Variants in UGDH observed in about 807,000 individuals in gnomAD.
UGDH encodes the protein UDP-Glc dehydrogenase.
In UGDH, 38 loss-of-function variants were observed where a neutral mutation model predicts 50.6. That is an observed-to-expected ratio of 0.75 (90% confidence interval 0.58 to 0.98). The LOEUF is 0.98. Among genes scored for constraint, UGDH ranks in the 50% least tolerant of loss-of-function variants. The pLI, the probability that UGDH is intolerant of heterozygous loss-of-function variation, is 0.00. For missense variants in UGDH, 465 were observed against 606.2 expected (o/e 0.77, Z 2.45); for synonymous variants, 168 against 199.9 (o/e 0.84, Z 1.35).
intron 2 of UGDH, among the ~76,000 whole-genome samples, chr4:39,516,407 T>C (rs193132425): frequency 6.6e-6 from 1 of 152,344 alleles, no homozygotes; most frequent in Admixed American, 6.5e-5. Context: ...TGAAACAAGA[T>C]GATGGGCACA....
At chr4:39,507,288 T>G (rs1486327086) in intron 7 of UGDH, among the ~76,000 whole-genome samples, 1 of 152,254 alleles carries the variant, frequency 6.6e-6, no homozygotes, top group Non-Finnish European at 1.5e-5. Flanking sequence ...GCTCACTTAA[T>G]GCTTCCAATT....
rs1447799247 is a variant in UGDH at position 39,512,019 on chromosome 4, C to T, written c.265-1158G>A. 3.8e-5 allele frequency among the ~76,000 whole-genome samples: 4 copies of T among 104,570 alleles called. No homozygotes were observed. The East Asian group carries it at 1.2e-3, about 30-fold the overall frequency. The allele number at this position is 104,570 out of a possible 152,430, so 68.6% of individuals were successfully genotyped here. A position where few individuals can be genotyped will look rare whatever the true frequency, so the allele number is the denominator to read the frequency against. The stretch of plus-strand genomic sequence containing the variant: ...CACCTGGCCAATGGGCGAAGACTTT[C>T]ATTTAGAAAAAAAAAAAAAAAATCA... On this transcript the variant is annotated intron_variant, in intron 3 of 11. Transcript: ENST00000316423.
At chr4:39,514,002 T>C in intron 3 of UGDH, 81 bp downstream of exon 3, 2 of 1,185,452 alleles carry the variant, frequency 1.7e-6, no homozygotes, top group Non-Finnish European at 1.2e-6. Context: ...TTAATACCAA[T>C]GGATTTACTA....
intron 11 of UGDH, among the ~76,000 whole-genome samples, chr4:39,502,543 C>T (rs903101722): frequency 3.3e-5 from 5 of 152,124 alleles, no homozygotes; most frequent in African/African-American, 1.2e-4. Flanking sequence ...TGACAACAAC[C>T]CCCTGGCATA....
intron 9 of UGDH, among the ~76,000 whole-genome samples, chr4:39,504,793 ATTGT>A (rs1202683196): frequency 6.6e-6 from 1 of 152,194 alleles, no homozygotes; most frequent in Non-Finnish European, 1.5e-5. Flanking sequence ...AAACTTATGA[ATTGT>A]TTATTTCTGG....
At chr4:39,508,461 T>G in intron 7 of UGDH, 105 bp downstream of exon 7, 1 of 1,127,410 alleles carries the variant, frequency 8.9e-7, no homozygotes, top group Non-Finnish European at 1.3e-6. Flanking sequence ...CCCAAATTCC[T>G]GGCCTCAAGT....
At chr4:39,517,259 G>C (rs1746472836) in intron 2 of UGDH, among the ~76,000 whole-genome samples, 1 of 149,516 alleles carries the variant, frequency 6.7e-6, no homozygotes, top group African/African-American at 2.5e-5. Flanking sequence ...CTGGAGTGCA[G>C]TGGCGCGATC....
Position 39,521,331 on chromosome 4 carries a change from G to C in UGDH, c.162+20C>G. 6.3e-7 allele frequency: 1 copy of C among 1,578,034 alleles called. No individual in the cohort carries two copies. The highest frequency in any genetic ancestry group is 1.7e-4 in the Middle Eastern group (1 of 5,938). On this transcript the variant is annotated intron_variant, in intron 2 of 11. Transcript: ENST00000316423. ...AGTAAGAAAAAAGCATAAAAACAAAGAGATGTTTAATATGTTTACCTCATA... is the reference window on the plus strand; with the variant it reads ...AGTAAGAAAAAAGCATAAAAACAAACAGATGTTTAATATGTTTACCTCATA...
At chr4:39,505,114 A>G in intron 9 of UGDH, 123 bp downstream of exon 9, 2 of 917,642 alleles carry the variant, frequency 2.2e-6, no homozygotes, top group Middle Eastern at 2.6e-4. Context: ...ATTTCAGAGA[A>G]ATGAGGTTGA....
chr4:39,503,789 A>G (rs963168808), intron 11 of UGDH, 86 bp downstream of exon 11: 2 of 1,179,496 alleles, frequency 1.7e-6, no homozygotes, highest in Admixed American at 2.4e-5. Context: ...TTTGATGTCA[A>G]CTTGACTAGA....
rs1746116990 is a variant in UGDH, at chr4:39,508,622, A to T, written c.850T>A (p.Leu284Met). 1 of 1,605,976 alleles carries T rather than the reference A, an allele frequency of 6.2e-7. No homozygotes were observed. Among genetic ancestry groups the T allele is most frequent in the African/African-American group, 1.4e-5 (1 of 73,888 alleles). The change falls in exon 7 of 12, where the codon TTG becomes ATG. Residue 284 changes from leucine (L) to methionine (M), a missense_variant. By Grantham distance (15) the Leu-to-Met change is conservative. Coordinates refer to ENST00000316423, the MANE Select transcript of UGDH (RefSeq NM_003359.4). ...TTCAGAGCCTCACAGAGATAAACCAAATTCAGAACATCCTTTTGGAAACAG... is the reference window on the plus strand; with the variant it reads ...TTCAGAGCCTCACAGAGATAAACCATATTCAGAACATCCTTTTGGAAACAG... Reference protein sequence around the residue: ...GSCFQKDVLNLVYLCEALNLP... With the variant: ...GSCFQKDVLNMVYLCEALNLP...
At chr4:39,514,683 T>C (rs1467191608) in intron 2 of UGDH, among the ~76,000 whole-genome samples, 2 of 148,600 alleles carry the variant, frequency 1.3e-5, no homozygotes, top group African/African-American at 2.5e-5. Context: ...TTTATTTTAT[T>C]TTATTTTATT....
rs763356941 is a variant in UGDH, at chr4:39,505,222, G to A, written c.1171+15C>T. 12 of 1,578,078 alleles carry A rather than the reference G, an allele frequency of 7.6e-6. No homozygotes were observed. The highest frequency in any genetic ancestry group is 1.0e-5 in the Non-Finnish European group (12 of 1,169,226). On this transcript the variant is annotated intron_variant, in intron 9 of 11. Coordinates refer to ENST00000316423, the MANE Select transcript of UGDH (RefSeq NM_003359.4). Reference sequence around the variant, plus strand: ...GGTCTGGACTCAAAATGATTCATGAGACTCAAAGCCTTACCTTGGTCATCC... The same window carrying A: ...GGTCTGGACTCAAAATGATTCATGAAACTCAAAGCCTTACCTTGGTCATCC...
intron 11 of UGDH, among the ~76,000 whole-genome samples, chr4:39,502,598 C>A (rs751924731): frequency 1.3e-5 from 2 of 152,130 alleles, no homozygotes; most frequent in Non-Finnish European, 2.9e-5. Context: ...ATCCTCCTAT[C>A]CCCATATACA....
intron 6 of UGDH, 120 bp downstream of exon 6, chr4:39,509,640 A>C (rs1746155730): frequency 8.7e-7 from 1 of 1,148,052 alleles, no homozygotes; most frequent in Non-Finnish European, 1.2e-6. Context: ...AGAAAATAAC[A>C]GCATCTACCT....
intron 9 of UGDH, among the ~76,000 whole-genome samples, chr4:39,504,932 G>A (rs1009152193): frequency 6.6e-6 from 1 of 152,188 alleles, no homozygotes; most frequent in Admixed American, 6.5e-5. Flanking sequence ...GAAGAGTTGG[G>A]AATAATCTGA....
rs930202341 is a variant in UGDH at position 39,515,576 on chromosome 4, T to G, written c.163-1392A>C. ...GGGGTATAAAACCACTTAACAAATATTCTTATAAAAAAAAAATCAAGCCTA... is the reference window on the plus strand; with the variant it reads ...GGGGTATAAAACCACTTAACAAATAGTCTTATAAAAAAAAAATCAAGCCTA... On this transcript the variant is annotated intron_variant, in intron 2 of 11. Transcript: ENST00000316423. Among the ~76,000 whole-genome samples, 6 of 149,468 alleles carry G rather than the reference T, an allele frequency of 4.0e-5. No homozygotes were observed. In the Admixed American group the frequency reaches 4.1e-4, roughly 10 times the overall value.
chr4:39,500,163 T>C lies in UGDH; in HGVS notation c.1465A>G (p.Asn489Asp). Reference protein sequence around the residue: ...IPKFSLQDPPNKKPKV With the variant: ...IPKFSLQDPPDKKPKV ...AATCTCTACACTTTAGGTTTCTTGT[T>C]AGGTGGATCTTGAAGACTAAACTTC... is the stretch of plus-strand genomic sequence containing the variant. The change falls in exon 12 of 12, where the codon AAC becomes GAC. Residue 489 changes from asparagine (N) to aspartate (D), a missense_variant. Asn to Asp is a conservative substitution (Grantham distance 23). Coordinates refer to ENST00000316423, the MANE Select transcript of UGDH (RefSeq NM_003359.4). The C allele has an allele frequency of 1.9e-6, 3 of 1,593,712 alleles. No individual in the cohort carries two copies. The highest frequency in any genetic ancestry group is 2.6e-6 in the Non-Finnish European group (3 of 1,168,402).
chr4:39,501,642 T>C (rs1358629895), intron 11 of UGDH, among the ~76,000 whole-genome samples: 1 of 152,186 alleles, frequency 6.6e-6, no homozygotes, highest in East Asian at 1.9e-4. Context: ...TGGCACTTGC[T>C]GCATTACCTA....
Sources: allele counts gnomAD v4.1 joint callset (sites outside exome capture counted in the v4.1 genomes callset), GRCh38; gene constraint gnomAD v4.1.1; transcripts MANE v1.5; gene names NCBI Gene and HGNC (gene_info 2026-07-23, HGNC 2026-07-21).